The following STARD3NL variants were observed in gnomAD, a reference collection of about 807,000 sequenced individuals.
STARD3NL encodes the protein STARD3 N-terminal like, also known as STARD3 N-terminal-like protein.
In STARD3NL, 17 loss-of-function variants were observed where a neutral mutation model predicts 30.9. The ratio of observed to expected loss-of-function variants is 0.55; its 90% CI spans 0.38 to 0.82. The LOEUF (loss-of-function observed/expected upper bound fraction) is 0.82. STARD3NL is among the 40% of genes least tolerant of loss of function. The pLI is 0.00. For missense variants in STARD3NL, 234 were observed against 277.6 expected, an observed-to-expected ratio of 0.84 and a Z score of 1.12; for synonymous variants, 112 against 100.5, an observed-to-expected ratio of 1.11 and a Z score of -0.69.
intron 1 of STARD3NL, among the ~76,000 whole-genome samples, chr7:38,193,559 G>A (rs1196827281): frequency 7.2e-5 from 11 of 152,154 alleles, no homozygotes; most frequent in African/African-American, 2.7e-4. Flanking sequence ...TGGCCTCCCA[G>A]AGTGCTGGGA....
chr7:38,197,143 T>TCTTTCTTTCTTC (rs1554295464), intron 1 of STARD3NL, among the ~76,000 whole-genome samples: 3 of 134,780 alleles, frequency 2.2e-5, no homozygotes, highest in African/African-American at 8.9e-5. Flanking sequence ...CTTTTTTCTT[T>TCTTTCTTTCTTC]CTTTCTTTCT....
intron 1 of STARD3NL, among the ~76,000 whole-genome samples, chr7:38,197,807 T>C (rs538526462): frequency 1.4e-4 from 22 of 152,346 alleles, no homozygotes; most frequent in African/African-American, 5.3e-4. Flanking sequence ...ATCTGTGTTT[T>C]TTCAGGCCTC....
intron 6 of STARD3NL, among the ~76,000 whole-genome samples, chr7:38,218,418 G>A (rs373212313): frequency 8.5e-5 from 13 of 152,204 alleles, no homozygotes; most frequent in South Asian, 4.1e-4. Context: ...ATCCTGTGCC[G>A]TCTATTCCTT....
chr7:38,193,544 C>A (rs549965856), intron 1 of STARD3NL, among the ~76,000 whole-genome samples: 2 of 152,188 alleles, frequency 1.3e-5, no homozygotes, highest in Non-Finnish European at 2.9e-5. Flanking sequence ...ATGATCCACC[C>A]GCCTTGGCCT....
intron 1 of STARD3NL, among the ~76,000 whole-genome samples, chr7:38,188,420 A>G (rs1483727689): frequency 1.3e-5 from 2 of 152,156 alleles, no homozygotes; most frequent in African/African-American, 4.8e-5. Flanking sequence ...TGCTGCCTCA[A>G]TGAAATAATC....
At chr7:38,218,916 T>C (rs1421230905) in intron 6 of STARD3NL, among the ~76,000 whole-genome samples, 2 of 152,264 alleles carry the variant, frequency 1.3e-5, no homozygotes, top group Non-Finnish European at 2.9e-5. Context: ...TATTGCACTT[T>C]ACATCTGGCA....
At chr7:38,196,861 C>G (rs11769863) in intron 1 of STARD3NL, among the ~76,000 whole-genome samples, 125,968 of 152,184 alleles carry the variant, frequency 0.83, 52,286 homozygotes, top group African/African-American at 0.88. Context: ...AATTTTAAAC[C>G]CCTGTTTTTT....
chr7:38,188,628 T>C (rs1434663106), intron 1 of STARD3NL, among the ~76,000 whole-genome samples: 1 of 152,198 alleles, frequency 6.6e-6, no homozygotes, highest in Non-Finnish European at 1.5e-5. Context: ...TTGGCAAACT[T>C]GAATTTTCAA....
chr7:38,220,919 CAT>C (rs1286894899), intron 7 of STARD3NL, among the ~76,000 whole-genome samples: 1 of 151,396 alleles, frequency 6.6e-6, no homozygotes, highest in East Asian at 1.9e-4. Flanking sequence ...GCCTGGGCAA[CAT>C]AGGGAGACCT....
At chr7:38,201,340 G>A (rs910073307) in intron 1 of STARD3NL, among the ~76,000 whole-genome samples, 10 of 152,046 alleles carry the variant, frequency 6.6e-5, no homozygotes, top group African/African-American at 1.7e-4. Flanking sequence ...TTTCCATTGT[G>A]TATTTAATGT....
chr7:38,191,859 T>G (rs1045403005), intron 1 of STARD3NL, among the ~76,000 whole-genome samples: 5 of 152,094 alleles, frequency 3.3e-5, no homozygotes, highest in Non-Finnish European at 7.4e-5. Context: ...TTGGACAGGC[T>G]TATTTCTTTG....
intron 6 of STARD3NL, among the ~76,000 whole-genome samples, chr7:38,217,517 G>GATACTGGCCTGA (rs1368111734): frequency 6.6e-6 from 1 of 152,154 alleles, no homozygotes; most frequent in African/African-American, 2.4e-5. Flanking sequence ...CCAGCTATCA[G>GATACTGGCCTGA]GCCAGGCTTC....
intron 1 of STARD3NL, among the ~76,000 whole-genome samples, chr7:38,195,609 A>G (rs1391056554): frequency 6.6e-6 from 1 of 152,250 alleles, no homozygotes; most frequent in Non-Finnish European, 1.5e-5. Flanking sequence ...GAGCTTGCTA[A>G]CTGTAGTCCA....
At chr7:38,191,579 G>A (rs141293040) in intron 1 of STARD3NL, among the ~76,000 whole-genome samples, 2,014 of 152,268 alleles carry the variant, frequency 0.013, 42 homozygotes, top group African/African-American at 0.046. Context: ...GTGAGTTAGG[G>A]TTTGAAGTTC....
intron 7 of STARD3NL, among the ~76,000 whole-genome samples, chr7:38,223,701 T>C (rs897073894): frequency 6.6e-6 from 1 of 151,884 alleles, no homozygotes; most frequent in African/African-American, 2.4e-5. Context: ...CTATGTGTCG[T>C]GAATAGATTC....
chr7:38,228,744 T>C, intron 7 of STARD3NL, 55 bp from the exon 8 acceptor site: 2 of 1,438,174 alleles, frequency 1.4e-6, no homozygotes, highest in South Asian at 2.4e-5. Flanking sequence ...TTAAAATAGT[T>C]TGTTACTGTA....
chr7:38,204,442 A>G (rs981259685), intron 1 of STARD3NL, among the ~76,000 whole-genome samples: 6 of 152,210 alleles, frequency 3.9e-5, no homozygotes, highest in Non-Finnish European at 7.3e-5. Flanking sequence ...ACCAACAAAA[A>G]CAAAGACACA....
At chr7:38,198,706 A>G (rs12155480) in intron 1 of STARD3NL, among the ~76,000 whole-genome samples, 12,695 of 152,288 alleles carry the variant, frequency 0.083, 656 homozygotes, top group Middle Eastern at 0.15. Context: ...GGAGGTGCAC[A>G]GTCTCTCTCT....
At chr7:38,205,579 T>C (rs1370423339) in intron 1 of STARD3NL, among the ~76,000 whole-genome samples, 1 of 152,200 alleles carries the variant, frequency 6.6e-6, no homozygotes, top group African/African-American at 2.4e-5. Flanking sequence ...TTCTAATTGA[T>C]ACTATTATAG....
Sources: gnomAD v4.1 joint callset for allele counts (sites outside exome capture counted in the v4.1 genomes callset) on GRCh38, gnomAD v4.1.1 for gene constraint, MANE v1.5 for transcripts, NCBI Gene and HGNC (gene_info 2026-07-23, HGNC 2026-07-21) for gene names.